The following BICRA variants were observed in gnomAD, a reference collection of about 807,000 sequenced individuals.
BICRA encodes the protein BRD4-interacting chromatin-remodeling complex-associated protein.
BICRA carries 31 observed loss-of-function variants against 96.9 expected under a neutral mutation model. The observed-to-expected ratio is 0.32, with a 90% CI of 0.24 to 0.43. BICRA has a LOEUF of 0.43. Among genes scored for constraint, BICRA ranks in the 20% least tolerant of loss-of-function variants. The pLI, the probability that BICRA is intolerant of heterozygous loss-of-function variation, is 1.00. For synonymous variants in BICRA, 1,350 were observed against 1,071.8 expected, an observed-to-expected ratio of 1.26 and a Z score of -5.07; for missense variants, 2,283 against 2,190.3, an observed-to-expected ratio of 1.04 and a Z score of -0.84.
chr19:47,654,790 GAAA>G (rs58825818), intron 1 of BICRA, among the ~76,000 whole-genome samples: 1,783 of 144,026 alleles, frequency 0.012, 24 homozygotes, highest in African/African-American at 0.04. Context: ...CCATCTCTAT[GAAA>G]AAAAAAAAAA....
chr19:47,681,371 G>T, intron 6 of BICRA, 95 bp downstream of exon 6: 2 of 1,102,948 alleles, frequency 1.8e-6, no homozygotes, highest in Non-Finnish European at 2.5e-6. Flanking sequence ...AAAAGTGGAT[G>T]CCACTGTGGC....
chr19:47,632,856 C>T lies in BICRA; in HGVS notation c.-108+23688C>T, dbSNP rs183220089. 3.5e-3 allele frequency among the ~76,000 whole-genome samples: 540 copies of T among 152,116 alleles called. 4 individuals are homozygous for T. Among genetic ancestry groups the T allele is most frequent in the African/African-American group, 0.012 (500 of 41,498 alleles). On this transcript the variant is annotated intron_variant, in intron 1 of 14. Coordinates refer to ENST00000594866, the MANE Select transcript of BICRA (RefSeq NM_001394372.1). ...GGCCTGTGTCAGAAGAACTTGGGCT[C>T]GGATCCCCAGCTGTCTCCTTCTCAG...
intron 1 of BICRA, among the ~76,000 whole-genome samples, chr19:47,614,573 C>A (rs188824501): frequency 2.6e-5 from 4 of 152,210 alleles, no homozygotes; most frequent in Admixed American, 6.5e-5. Context: ...GCCGAGATTG[C>A]GGTAGCACTG....
chr19:47,662,683 C>T (rs1049751079), intron 1 of BICRA: 4 of 152,254 alleles, frequency 2.6e-5, no homozygotes, highest in African/African-American at 9.7e-5. Context: ...AAAAAAGAAT[C>T]ACACACCATC....
At position 47,680,445 on chromosome 19, in the gene BICRA, G is replaced by A. The variant is rs1268552126; in HGVS notation, c.1275G>A (p.Lys425=). The change falls in exon 6 of 15, where the codon AAG becomes AAA. Residue 425 remains lysine, a synonymous_variant. Coordinates refer to ENST00000594866, the MANE Select transcript of BICRA (RefSeq NM_001394372.1). ...CTGCGCTGCAAGCGAACGTCTTCAAGCAGCCACCGGCCACCACCACCGGAG... is the reference window on the plus strand; with the variant it reads ...CTGCGCTGCAAGCGAACGTCTTCAAACAGCCACCGGCCACCACCACCGGAG... ...PAPALQANVF[K]QPPATTTGAA... 1.9e-5 allele frequency: 29 copies of A among 1,538,710 alleles called. No homozygotes were observed. The highest frequency in any genetic ancestry group is 2.5e-5 in the Non-Finnish European group (29 of 1,146,066).
At chr19:47,640,895 A>AC (rs1555785902) in intron 1 of BICRA, among the ~76,000 whole-genome samples, 3 of 95,226 alleles carry the variant, frequency 3.2e-5, no homozygotes, top group African/African-American at 4.4e-5. Flanking sequence ...TCAGAGTCAG[A>AC]TTTTTTTTTT....
At chr19:47,609,472 T>G (rs62128733) in intron 1 of BICRA, among the ~76,000 whole-genome samples, 4 of 144,062 alleles carry the variant, frequency 2.8e-5, no homozygotes, top group Admixed American at 6.8e-5. Flanking sequence ...CCCGATCCTA[T>G]GGGGACCCCC....
At chr19:47,658,631 CAAA>C (rs3074083) in intron 1 of BICRA, among the ~76,000 whole-genome samples, 55 of 97,428 alleles carry the variant, frequency 5.6e-4, no homozygotes, top group East Asian at 1.7e-3. Flanking sequence ...GACTTCGTCT[CAAA>C]AAAAAAAAAA....
intron 1 of BICRA, among the ~76,000 whole-genome samples, chr19:47,644,809 A>G (rs1265593563): frequency 6.6e-6 from 1 of 151,974 alleles, no homozygotes; most frequent in African/African-American, 2.4e-5. Flanking sequence ...ATTTCATTCC[A>G]TATGCTTTTA....
In BICRA at chr19:47,679,892, C is replaced by G. The variant is rs1478730480; in HGVS notation, c.722C>G (p.Pro241Arg). 29 of 1,520,786 alleles carry G rather than the reference C, an allele frequency of 1.9e-5. No homozygotes were observed. Among genetic ancestry groups the G allele is most frequent in the Non-Finnish European group, 2.5e-5 (28 of 1,140,646 alleles). 94.2% of individuals were successfully genotyped at this position (1,520,786 alleles called of 1,614,324 possible). The change falls in exon 6 of 15, where the codon CCC becomes CGC. Residue 241 changes from proline (P) to arginine (R), a missense_variant. Pro to Arg is a moderately radical substitution (Grantham distance 103). Transcript: ENST00000594866. ...GCGCCCATCCAGGTGGTGGGCCAGC[C>G]CGTCATGGCGCTCAACACGCCCACC... ...GLAPIQVVGQPVMALNTPTSQ... is the reference protein window; with the variant it reads ...GLAPIQVVGQRVMALNTPTSQ...
chr19:47,643,620 A>T (rs1972415412), intron 1 of BICRA, among the ~76,000 whole-genome samples: 1 of 152,194 alleles, frequency 6.6e-6, no homozygotes, highest in Non-Finnish European at 1.5e-5. Flanking sequence ...AGCAGAAGCC[A>T]CACTGTCTGA....
chr19:47,679,083 A>T (rs1972985100), intron 5 of BICRA: 5 of 369,276 alleles, frequency 1.4e-5, no homozygotes, highest in African/African-American at 2.1e-5. Flanking sequence ...CTTTTTTAAA[A>T]TTTTTTTCTC....
rs753450969 is a variant in BICRA at position 47,701,581 on chromosome 19, C to T, written c.3849C>T (p.Ala1283=). The change falls in exon 15 of 15, where the codon GCC becomes GCT. Residue 1283 remains alanine, a synonymous_variant. Transcript: ENST00000594866. The surrounding 1 kb of genome is among the most constrained non-coding windows in gnomAD (Gnocchi z 5.4). ...SSSSAASSLD[A]DEDGPMPSRN... Reference sequence around the variant, plus strand: ...CCTCTGCCGCCTCCTCCTTGGACGCCGACGAGGACGGCCCCATGCCCTCCC... The same window carrying T: ...CCTCTGCCGCCTCCTCCTTGGACGCTGACGAGGACGGCCCCATGCCCTCCC... The T allele has an allele frequency of 1.9e-6, 3 of 1,554,518 alleles. No individual in the cohort carries two copies. The highest frequency in any genetic ancestry group is 2.4e-5 in the East Asian group (1 of 41,142).
At chr19:47,658,145 C>T (rs570437397) in intron 1 of BICRA, among the ~76,000 whole-genome samples, 2 of 152,282 alleles carry the variant, frequency 1.3e-5, no homozygotes, top group South Asian at 4.1e-4. Flanking sequence ...TTCTGAGCTG[C>T]AAGGGAGTCT....
chr19:47,615,426 C>T (rs1337429648), intron 1 of BICRA, among the ~76,000 whole-genome samples: 2 of 152,216 alleles, frequency 1.3e-5, no homozygotes, highest in South Asian at 2.1e-4. Context: ...GCCTCTTCCT[C>T]CTGCTTATGG....
chr19:47,633,330 T>G (rs1454781281), intron 1 of BICRA, among the ~76,000 whole-genome samples: 1 of 152,084 alleles, frequency 6.6e-6, no homozygotes, highest in African/African-American at 2.4e-5. Context: ...TCCGCCTGCC[T>G]TGGCCTCCCA....
At chr19:47,629,197 G>T (rs935711288) in intron 1 of BICRA, among the ~76,000 whole-genome samples, 20 of 151,462 alleles carry the variant, frequency 1.3e-4, no homozygotes, top group African/African-American at 4.9e-4. Context: ...TAGAGACGGG[G>T]TTTCACCGTG....
intron 1 of BICRA, among the ~76,000 whole-genome samples, chr19:47,667,100 C>G (rs372525885): frequency 1.1e-3 from 159 of 151,370 alleles, no homozygotes; most frequent in Non-Finnish European, 1.6e-3. Flanking sequence ...CTCACTGCAA[C>G]CTCCGCCTCC....
chr19:47,610,109 C>T (rs1971878462), intron 1 of BICRA, among the ~76,000 whole-genome samples: 1 of 152,248 alleles, frequency 6.6e-6, no homozygotes, highest in African/African-American at 2.4e-5. Context: ...GCAGCCCTTT[C>T]CCCGGGGTGA....
Sources: gnomAD v4.1 joint callset for allele counts (sites outside exome capture counted in the v4.1 genomes callset) on GRCh38, gnomAD v4.1.1 for gene constraint, Gnocchi (gnomAD v3.1) non-coding constraint, MANE v1.5 for transcripts, NCBI Gene and HGNC (gene_info 2026-07-23, HGNC 2026-07-21) for gene names.